The following E2F7 variants were observed in gnomAD, a reference collection of about 807,000 sequenced individuals.
E2F7 encodes the protein E2F transcription factor 7, also known as transcription factor E2F7.
A neutral mutation model predicts 81.1 loss-of-function variants in E2F7; 35 were observed. The ratio of observed to expected loss-of-function variants is 0.43; its 90% confidence interval spans 0.33 to 0.57. The LOEUF (loss-of-function observed/expected upper bound fraction) is 0.57. Among genes scored for constraint, E2F7 ranks in the 20% least tolerant of loss-of-function variants. E2F7 has a pLI of 0.04. For missense variants in E2F7, 961 were observed against 1,093.7 expected (o/e 0.88, Z 1.71); for synonymous variants, 416 against 416.2 (o/e 1.00, Z 0.01).
intron 7 of E2F7, among the ~76,000 whole-genome samples, chr12:77,039,297 A>C (rs955329415): frequency 2.6e-5 from 4 of 152,336 alleles, no homozygotes; most frequent in Admixed American, 2.6e-4. Flanking sequence ...AAAATTAATA[A>C]AAACTAATAC....
Position 77,058,024 on chromosome 12 carries a change from C to A in E2F7, c.94-1894G>T, listed in dbSNP as rs907286022. ...GCAAGGCAACTCTTGCTCCTTGGAT[C>A]AGCAGAAGCTGCATGCTAGCCATGG... On this transcript the variant is annotated intron_variant, in intron 2 of 12. Transcript: ENST00000322886. 7.2e-5 allele frequency among the ~76,000 whole-genome samples: 11 copies of A among 152,146 alleles called. 1 individual carries two copies. The highest frequency in any genetic ancestry group is 5.8e-4 in the East Asian group (3 of 5,190).
intron 9 of E2F7, among the ~76,000 whole-genome samples, chr12:77,032,093 G>C (rs1954812571): frequency 6.6e-6 from 1 of 152,184 alleles, no homozygotes; most frequent in African/African-American, 2.4e-5. Flanking sequence ...GCACAGCTCA[G>C]CTCTGCCCTA....
At chr12:77,027,525 AC>A (rs1954769265) in intron 11 of E2F7, among the ~76,000 whole-genome samples, 1 of 152,220 alleles carries the variant, frequency 6.6e-6, no homozygotes, top group Admixed American at 6.5e-5. Context: ...TATACTCAGT[AC>A]CTCTAGATGT....
chr12:77,026,125 A>AGATCT, intron 11 of E2F7, 143 bp from the exon 12 acceptor site: 2 of 911,560 alleles, frequency 2.2e-6, no homozygotes, highest in Admixed American at 2.9e-5. Context: ...GACCAGGCCA[A>AGATCT]ACAGCCCACA....
At chr12:77,026,114 T>C (rs1446623512) in intron 11 of E2F7, 132 bp from the exon 12 acceptor site, 5 of 1,093,260 alleles carry the variant, frequency 4.6e-6, no homozygotes, top group Admixed American at 2.9e-5. Context: ...TTCCCCCAGC[T>C]GACCAGGCCA....
rs1300344507 is a variant in E2F7, at chr12:77,023,967, G to A, written c.*48C>T. 1 of 1,592,826 alleles carries A rather than the reference G, an allele frequency of 6.3e-7. No individual in the cohort carries two copies. The highest frequency in any genetic ancestry group is 8.5e-7 in the Non-Finnish European group (1 of 1,170,862). The stretch of plus-strand genomic sequence containing the variant: ...GGTTTGCATCCCGCCTCGGACATCC[G>A]GGACTCTCAGGGCGTTTGATCCCAC... On this transcript the variant is annotated 3_prime_UTR_variant, in exon 13 of 13. Transcript: ENST00000322886.
chr12:77,029,448 C>G (rs1954785865), intron 10 of E2F7, among the ~76,000 whole-genome samples: 1 of 152,168 alleles, frequency 6.6e-6, no homozygotes, highest in African/African-American at 2.4e-5. Flanking sequence ...CCACATTCCT[C>G]CCTCTGGAAC....
intron 7 of E2F7, among the ~76,000 whole-genome samples, chr12:77,036,804 C>T (rs953000447): frequency 3.3e-5 from 5 of 151,384 alleles, no homozygotes; most frequent in East Asian, 2.0e-4. Flanking sequence ...TGCAGTGGCG[C>T]GATCTCGGCT....
At chr12:77,060,331 A>T (rs1445483085) in intron 2 of E2F7, among the ~76,000 whole-genome samples, 1 of 152,176 alleles carries the variant, frequency 6.6e-6, no homozygotes, top group East Asian at 1.9e-4. Context: ...CTCAGAAGGT[A>T]AAAGCACTCT....
intron 9 of E2F7, among the ~76,000 whole-genome samples, chr12:77,031,733 C>T (rs1267852893): frequency 6.6e-6 from 1 of 152,148 alleles, no homozygotes; most frequent in Non-Finnish European, 1.5e-5. Context: ...GATTTCTTTC[C>T]GTCTTTCTGA....
chr12:77,047,986 G>C (rs1188753738), intron 4 of E2F7, among the ~76,000 whole-genome samples: 1 of 152,176 alleles, frequency 6.6e-6, no homozygotes. Context: ...TTTGTTAGTT[G>C]ATATCTGATA....
At chr12:77,031,668 C>T (rs1954808945) in intron 9 of E2F7, among the ~76,000 whole-genome samples, 1 of 151,912 alleles carries the variant, frequency 6.6e-6, no homozygotes, top group Admixed American at 6.6e-5. Context: ...AAGCAGAAAA[C>T]AAAACAAAAC....
chr12:77,033,161 G>A, intron 8 of E2F7, 39 bp from the exon 9 acceptor site: 1 of 1,551,442 alleles, frequency 6.4e-7, no homozygotes, highest in African/African-American at 1.4e-5. Flanking sequence ...TATAGCAAGA[G>A]ACTTATACAT....
At chr12:77,034,171 C>T (rs1565728) in intron 7 of E2F7, 129 bp from the exon 8 acceptor site, 301,548 of 714,984 alleles carry the variant, frequency 0.42, 65,853 homozygotes, top group Admixed American at 0.45. Flanking sequence ...AAAACTAAGA[C>T]AATCAAAGGA....
chr12:77,064,103 T>C (rs912980566), intron 2 of E2F7, among the ~76,000 whole-genome samples: 2 of 152,240 alleles, frequency 1.3e-5, no homozygotes, highest in Admixed American at 1.3e-4. Context: ...AGGTCTACTC[T>C]TGGGTGAATG....
chr12:77,060,120 G>A (rs1457018356), intron 2 of E2F7, among the ~76,000 whole-genome samples: 4 of 151,858 alleles, frequency 2.6e-5, no homozygotes, highest in African/African-American at 9.7e-5. Context: ...CCTTCCCTAG[G>A]CATTGATCCC....
intron 7 of E2F7, 136 bp downstream of exon 7, chr12:77,042,929 A>G: frequency 7.3e-7 from 1 of 1,369,504 alleles, no homozygotes; most frequent in Non-Finnish European, 1.0e-6. Context: ...TAACTGTTCC[A>G]AGAGTGGAGT....
In E2F7 at chr12:77,024,188, G is replaced by A; in HGVS notation, c.2566-3C>T. 1 of 1,602,900 alleles carries A rather than the reference G, an allele frequency of 6.2e-7. No individual in the cohort carries two copies. The highest frequency in any genetic ancestry group is 1.8e-5 in the Admixed American group (1 of 56,606). Reference sequence around the variant, plus strand: ...TTGGGGGTCACTGGAACTGGTGACTGAAAAAAGAAAAAAGAAAAAACAGAA... The same window carrying A: ...TTGGGGGTCACTGGAACTGGTGACTAAAAAAAGAAAAAAGAAAAAACAGAA... On this transcript the variant is annotated splice_polypyrimidine_tract_variant and splice_region_variant and intron_variant, in intron 12 of 12. Coordinates refer to ENST00000322886, the MANE Select transcript of E2F7 (RefSeq NM_203394.3).
At chr12:77,036,921 T>C (rs1301707442) in intron 7 of E2F7, among the ~76,000 whole-genome samples, 8 of 152,104 alleles carry the variant, frequency 5.3e-5, no homozygotes, top group Admixed American at 3.3e-4. Flanking sequence ...AGCTAATTTT[T>C]TGTATTTTTA....
Sources: allele counts gnomAD v4.1 joint callset (sites outside exome capture counted in the v4.1 genomes callset), GRCh38; gene constraint gnomAD v4.1.1; transcripts MANE v1.5; gene names NCBI Gene and HGNC (gene_info 2026-07-23, HGNC 2026-07-21).